The following SCN1A variants were observed in gnomAD, a reference collection of about 807,000 sequenced individuals.
The protein encoded by SCN1A is sodium voltage-gated channel alpha subunit 1.
A neutral mutation model predicts 193.7 loss-of-function variants in SCN1A; 13 were observed. That is an observed-to-expected ratio of 0.07 (90% CI 0.04 to 0.11). SCN1A has a LOEUF of 0.11. SCN1A is among the 10% of genes least tolerant of loss of function. SCN1A has a pLI of 1.00. For synonymous variants in SCN1A, 781 were observed against 843.6 expected, an observed-to-expected ratio of 0.93 and a Z score of 1.29; for missense variants, 1,432 against 2,451.1, an observed-to-expected ratio of 0.58 and a Z score of 8.78.
chr2:165,997,903 A>T (rs1031361378), intron 26 of SCN1A, 135 bp downstream of exon 26: 1 of 657,372 alleles, frequency 1.5e-6, no homozygotes, highest in Non-Finnish European at 2.7e-6. Context: ...TGAATGACAG[A>T]GGAAGAGGAA....
At chr2:166,051,577 T>C in intron 9 of SCN1A, 142 bp downstream of exon 9, 1 of 592,522 alleles carries the variant, frequency 1.7e-6, no homozygotes, top group Non-Finnish European at 2.9e-6. Flanking sequence ...ATGGGGTACA[T>C]GAGATGTTTT....
At chr2:166,117,660 G>A (rs1315153505) in intron 2 of SCN1A, among the ~76,000 whole-genome samples, 6 of 152,198 alleles carry the variant, frequency 3.9e-5, no homozygotes, top group Admixed American at 3.3e-4. Flanking sequence ...GAATGCAAGA[G>A]CATCTGTGGA....
intron 2 of SCN1A, among the ~76,000 whole-genome samples, chr2:166,111,786 G>A (rs943230693): frequency 7.2e-5 from 11 of 152,020 alleles, no homozygotes; most frequent in East Asian, 3.9e-4. Flanking sequence ...GGAAGAAATC[G>A]ATTCCAACTT....
At chr2:166,002,425 A>T in intron 24 of SCN1A, 47 bp downstream of exon 24, 1 of 1,542,686 alleles carries the variant, frequency 6.5e-7, no homozygotes, top group South Asian at 1.1e-5. Context: ...TTATTTTGTT[A>T]TTATTCCAAA....
At chr2:166,075,706 G>C (rs1684920664) in intron 3 of SCN1A, among the ~76,000 whole-genome samples, 1 of 151,844 alleles carries the variant, frequency 6.6e-6, no homozygotes, top group African/African-American at 2.4e-5. Flanking sequence ...AGGTAGACTT[G>C]GCTTTGTACA....
intron 2 of SCN1A, among the ~76,000 whole-genome samples, chr2:166,093,880 C>A (rs1044052545): frequency 6.6e-6 from 1 of 152,178 alleles, no homozygotes; most frequent in Non-Finnish European, 1.5e-5. Context: ...AAATCCGGGT[C>A]TAATCTTTCA....
chr2:166,044,945 T>G (rs1697612969), intron 13 of SCN1A, 98 bp downstream of exon 13: 13 of 1,286,434 alleles, frequency 1.0e-5, no homozygotes, highest in Middle Eastern at 1.8e-4. Context: ...AGTGGTTGAT[T>G]CAGTTGATAA....
chr2:166,082,228 T>G (rs1333875227), intron 2 of SCN1A, among the ~76,000 whole-genome samples: 1 of 152,018 alleles, frequency 6.6e-6, no homozygotes, highest in Non-Finnish European at 1.5e-5. Context: ...AAATGGGCAA[T>G]TTCTTTGTTT....
At chr2:166,003,470 A>G (rs1372919364) in intron 23 of SCN1A, among the ~76,000 whole-genome samples, 3 of 151,606 alleles carry the variant, frequency 2.0e-5, no homozygotes, top group South Asian at 2.1e-4. Flanking sequence ...GATGCCATAC[A>G]TAGTTCTCAA....
intron 9 of SCN1A, among the ~76,000 whole-genome samples, chr2:166,050,397 T>C (rs1209781562): frequency 1.3e-5 from 2 of 151,368 alleles, no homozygotes; most frequent in Admixed American, 6.6e-5. Flanking sequence ...GATATTATTT[T>C]ACTTCGAGTA....
intron 2 of SCN1A, among the ~76,000 whole-genome samples, chr2:166,089,487 A>G (rs953301150): frequency 1.3e-5 from 2 of 152,118 alleles, no homozygotes; most frequent in Admixed American, 1.3e-4. Flanking sequence ...GAGACTACTT[A>G]CTTCTCAATG....
chr2:166,103,344 G>A (rs1157119932), intron 2 of SCN1A, among the ~76,000 whole-genome samples: 1 of 151,862 alleles, frequency 6.6e-6, no homozygotes, highest in Non-Finnish European at 1.5e-5. Flanking sequence ...CCAGCTACTC[G>A]GGAGACTGAG....
chr2:166,137,060 T>TC, intron 1 of SCN1A, among the ~76,000 whole-genome samples: 1 of 152,188 alleles, frequency 6.6e-6, no homozygotes, highest in Non-Finnish European at 1.5e-5. Context: ...TCTTCCCTGG[T>TC]CTGCATTCCT....
intron 24 of SCN1A, among the ~76,000 whole-genome samples, chr2:166,000,725 AAG>A (rs374979320): frequency 6.6e-6 from 1 of 151,684 alleles, no homozygotes; most frequent in East Asian, 1.9e-4. Context: ...TTGTATATGA[AAG>A]AGAGAGAGAT....
intron 19 of SCN1A, among the ~76,000 whole-genome samples, chr2:166,028,304 C>A (rs1695072257): frequency 6.6e-6 from 1 of 152,020 alleles, no homozygotes; most frequent in Non-Finnish European, 1.5e-5. Flanking sequence ...AATCCCCAAG[C>A]TAGAAACCAA....
Position 166,036,008 on chromosome 2 carries a change from G to A in SCN1A, c.3429+40C>T, listed in dbSNP as rs769816118. ...TCTGTATGTGTGTATATGTATATAT[G>A]TATATGTATTCATACCTTCCCACAC... is the stretch of plus-strand genomic sequence containing the variant. On this transcript the variant is annotated intron_variant, in intron 19 of 28. Coordinates refer to ENST00000674923, the MANE Select transcript of SCN1A (RefSeq NM_001165963.4). 5 of 1,581,906 alleles carry A rather than the reference G, an allele frequency of 3.2e-6. No individual in the cohort carries two copies. In the South Asian group the frequency reaches 3.3e-5, roughly 11 times the overall value.
chr2:166,106,868 A>T (rs1323161588), intron 2 of SCN1A, among the ~76,000 whole-genome samples: 1 of 152,190 alleles, frequency 6.6e-6, no homozygotes, highest in Non-Finnish European at 1.5e-5. Flanking sequence ...GACAAAGAGT[A>T]ACGTTATGCT....
intron 19 of SCN1A, among the ~76,000 whole-genome samples, chr2:166,017,280 C>T (rs1217177372): frequency 2.0e-5 from 3 of 151,866 alleles, no homozygotes; most frequent in African/African-American, 7.3e-5. Context: ...AATCTACTTT[C>T]GGGTTGCATT....
At chr2:166,022,815 A>C (rs1198230052) in intron 19 of SCN1A, among the ~76,000 whole-genome samples, 2 of 152,240 alleles carry the variant, frequency 1.3e-5, no homozygotes, top group African/African-American at 2.4e-5. Context: ...AGGCTTACAG[A>C]AGCAGCAAAA....
Sources: gnomAD v4.1 joint callset for allele counts (sites outside exome capture counted in the v4.1 genomes callset) on GRCh38, gnomAD v4.1.1 for gene constraint, MANE v1.5 for transcripts, NCBI Gene and HGNC (gene_info 2026-07-23, HGNC 2026-07-21) for gene names.